Variants in SYNPR observed in about 807,000 individuals in gnomAD.
SYNPR encodes synaptoporin.
A neutral mutation model predicts 32.9 loss-of-function variants in SYNPR; 23 were observed. The observed-to-expected ratio is 0.70, with a 90% CI of 0.50 to 0.99. The LOEUF is 0.99. SYNPR is among the 50% of genes least tolerant of loss of function. The probability of loss-of-function intolerance (pLI) is 0.00; values close to 1 mark genes in which losing one functional copy is unlikely to be tolerated. For missense variants in SYNPR, 318 were observed against 349.3 expected (o/e 0.91, Z 0.71); for synonymous variants, 146 against 135.9 (o/e 1.07, Z -0.52).
intron 4 of SYNPR, among the ~76,000 whole-genome samples, chr3:63,563,425 C>T (rs1216536731): frequency 6.6e-6 from 1 of 152,180 alleles, no homozygotes; most frequent in Non-Finnish European, 1.5e-5. Context: ...CTCTTTCCCA[C>T]CAGCTACACC....
chr3:63,387,080 A>G (rs2088055837), intron 2 of SYNPR, among the ~76,000 whole-genome samples: 1 of 152,206 alleles, frequency 6.6e-6, no homozygotes, highest in South Asian at 2.1e-4. Flanking sequence ...AGATGATACA[A>G]TGTTTCAAAG....
intron 2 of SYNPR, among the ~76,000 whole-genome samples, chr3:63,265,238 A>ATTTTTTTTTTT (rs1560172997): frequency 1.9e-4 from 17 of 87,878 alleles, no homozygotes; most frequent in Non-Finnish European, 2.5e-4. Context: ...TTCTAATGAC[A>ATTTTTTTTTTT]TTCTTTTTTT....
At chr3:63,384,373 G>A (rs994336463) in intron 2 of SYNPR, among the ~76,000 whole-genome samples, 2 of 152,136 alleles carry the variant, frequency 1.3e-5, no homozygotes, top group African/African-American at 2.4e-5. Flanking sequence ...TCTACACAGA[G>A]CATCCTTTAT....
At chr3:63,420,795 A>G (rs532986854) in intron 2 of SYNPR, among the ~76,000 whole-genome samples, 1 of 152,344 alleles carries the variant, frequency 6.6e-6, no homozygotes, top group African/African-American at 2.4e-5. Flanking sequence ...AAGGAGTTGT[A>G]TTCAGAATGT....
intron 4 of SYNPR, among the ~76,000 whole-genome samples, chr3:63,572,756 A>C (rs887071871): frequency 6.6e-6 from 1 of 152,170 alleles, no homozygotes; most frequent in Admixed American, 6.6e-5. Flanking sequence ...CACTCCAGGA[A>C]CTGTATGCAT....
chr3:63,282,081 C>T (rs2086635639), intron 2 of SYNPR, among the ~76,000 whole-genome samples: 1 of 152,168 alleles, frequency 6.6e-6, no homozygotes, highest in African/African-American at 2.4e-5. Context: ...ATATTCAGTG[C>T]AGCAGAAGAC....
At chr3:63,313,359 C>T (rs1032248625) in intron 2 of SYNPR, among the ~76,000 whole-genome samples, 18 of 151,600 alleles carry the variant, frequency 1.2e-4, no homozygotes, top group African/African-American at 4.4e-4. Flanking sequence ...TTATCCCTCA[C>T]CCCGCTCCCA....
intron 4 of SYNPR, among the ~76,000 whole-genome samples, chr3:63,602,504 A>G (rs945679092): frequency 2.0e-5 from 3 of 152,160 alleles, no homozygotes; most frequent in Non-Finnish European, 4.4e-5. Flanking sequence ...TCTTTAATCC[A>G]TCTTGAGTTG....
intron 2 of SYNPR, among the ~76,000 whole-genome samples, chr3:63,394,709 CA>C (rs1267883135): frequency 6.6e-6 from 1 of 152,134 alleles, no homozygotes; most frequent in Non-Finnish European, 1.5e-5. Flanking sequence ...TATAACCATA[CA>C]AAGCTAAAAC....
chr3:63,288,557 GT>G (rs2086707983), intron 2 of SYNPR, among the ~76,000 whole-genome samples: 1 of 152,160 alleles, frequency 6.6e-6, no homozygotes, highest in Admixed American at 6.5e-5. Flanking sequence ...CCACTAGCTT[GT>G]GTGATCTTGT....
In SYNPR at chr3:63,611,345, G is replaced by A. The variant is rs564260569; in HGVS notation, c.600+2029G>A. ...CTGCTCAAAATGCAAAGTTCCAGGA[G>A]AGAGCTCAAGCCATTTGACCGAAAC... On this transcript the variant is annotated intron_variant, in intron 5 of 5. Coordinates refer to ENST00000478300, the MANE Select transcript of SYNPR (RefSeq NM_001130003.2). Among the ~76,000 whole-genome samples, 15 of 152,304 alleles carry A rather than the reference G, an allele frequency of 9.8e-5. No homozygotes were observed. The South Asian group carries it at 2.3e-3, about 23-fold the overall frequency.
intron 2 of SYNPR, among the ~76,000 whole-genome samples, chr3:63,351,209 G>A (rs2107018183): frequency 6.6e-6 from 1 of 152,276 alleles, no homozygotes; most frequent in South Asian, 2.1e-4. Flanking sequence ...GAACAGATAA[G>A]CACCATAAGT....
At chr3:63,576,203 A>C (rs1173562570) in intron 4 of SYNPR, among the ~76,000 whole-genome samples, 4 of 152,132 alleles carry the variant, frequency 2.6e-5, no homozygotes, top group Non-Finnish European at 5.9e-5. Context: ...AGATTTCACA[A>C]CTTTGTATGT....
At chr3:63,449,874 C>T (rs750808774) in intron 2 of SYNPR, among the ~76,000 whole-genome samples, 4 of 152,124 alleles carry the variant, frequency 2.6e-5, no homozygotes, top group African/African-American at 4.8e-5. Context: ...TTATCACCTT[C>T]AACAAGTGAA....
intron 4 of SYNPR, among the ~76,000 whole-genome samples, chr3:63,596,605 G>T (rs535952269): frequency 1.6e-4 from 24 of 152,050 alleles, no homozygotes; most frequent in Non-Finnish European, 3.4e-4. Context: ...ACACTGATTT[G>T]CTTTCAGACC....
chr3:63,459,275 C>G (rs972884554), intron 2 of SYNPR, among the ~76,000 whole-genome samples: 3 of 152,196 alleles, frequency 2.0e-5, no homozygotes, highest in African/African-American at 7.2e-5. Context: ...CTCAATCACT[C>G]TATAATTGCT....
At chr3:63,438,251 C>T (rs1007004370) in intron 2 of SYNPR, among the ~76,000 whole-genome samples, 1 of 152,142 alleles carries the variant, frequency 6.6e-6, no homozygotes, top group African/African-American at 2.4e-5. Context: ...CATTTCCATC[C>T]AAAAATCCTA....
At chr3:63,203,503 G>A in the SYNPR span, 1 of 152,198 alleles carries the variant, frequency 6.6e-6, no homozygotes, top group South Asian at 2.1e-4. Flanking sequence ...TTCCTCACCC[G>A]AGTGCTGAAC....
intron 2 of SYNPR, among the ~76,000 whole-genome samples, chr3:63,261,795 C>A (rs1278157601): frequency 6.6e-6 from 1 of 150,538 alleles, no homozygotes; most frequent in Non-Finnish European, 1.5e-5. Context: ...CCAAACACCA[C>A]ATGTTCTCAC....
Sources: allele counts gnomAD v4.1 joint callset (sites outside exome capture counted in the v4.1 genomes callset), GRCh38; gene constraint gnomAD v4.1.1; transcripts MANE v1.5; gene names NCBI Gene and HGNC (gene_info 2026-07-23, HGNC 2026-07-21).